FHIT: variants seen among roughly 807,000 people sequenced by gnomAD.
FHIT encodes the protein bis(5'-adenosyl)-triphosphatase.
Under a neutral mutation model 17.9 loss-of-function variants are expected in FHIT, and 19 were observed. That is an observed-to-expected ratio of 1.06 (90% CI 0.74 to 1.56). The LOEUF (loss-of-function observed/expected upper bound fraction) is 1.56, where lower values mean the gene tolerates loss of function less well. FHIT is among the 40% of genes most tolerant of loss of function. FHIT has a pLI of 0.00. For missense variants in FHIT, 248 were observed against 189.2 expected (o/e 1.31, Z -1.82); for synonymous variants, 81 against 69.7 (o/e 1.16, Z -0.81).
chr3:60,530,368 G>A (rs772160817), intron 5 of FHIT, among the ~76,000 whole-genome samples: 20 of 152,162 alleles, frequency 1.3e-4, no homozygotes, highest in Non-Finnish European at 2.4e-4. Context: ...GAAGGGGCCA[G>A]GGCAAAGTGC....
chr3:60,736,775 A>G (rs938630428), intron 4 of FHIT, among the ~76,000 whole-genome samples: 1 of 152,240 alleles, frequency 6.6e-6, no homozygotes, highest in Non-Finnish European at 1.5e-5. Context: ...TTATAAACGG[A>G]TAAACATTGT....
intron 8 of FHIT, among the ~76,000 whole-genome samples, chr3:59,763,863 G>C (rs920088556): frequency 3.9e-5 from 6 of 152,056 alleles, no homozygotes; most frequent in African/African-American, 1.5e-4. Context: ...ATGAGGTGGA[G>C]AAGTGGGAAA....
At chr3:60,379,932 T>C (rs1430707169) in intron 5 of FHIT, among the ~76,000 whole-genome samples, 1 of 152,236 alleles carries the variant, frequency 6.6e-6, no homozygotes, top group Non-Finnish European at 1.5e-5. Context: ...TTTACAATTT[T>C]GTTTAACATA....
At chr3:60,788,694 C>G (rs1169946961) in intron 4 of FHIT, among the ~76,000 whole-genome samples, 1 of 152,052 alleles carries the variant, frequency 6.6e-6, no homozygotes, top group Non-Finnish European at 1.5e-5. Context: ...AGTGAATATT[C>G]CTACTCCATA....
At chr3:60,068,747 A>T (rs1702629824) in intron 5 of FHIT, among the ~76,000 whole-genome samples, 1 of 152,204 alleles carries the variant, frequency 6.6e-6, no homozygotes, top group South Asian at 2.1e-4. Context: ...ATGAAACATA[A>T]TTTTTTCCTC....
chr3:60,334,274 G>A (rs543911087), intron 5 of FHIT, among the ~76,000 whole-genome samples: 6 of 152,266 alleles, frequency 3.9e-5, no homozygotes, highest in Admixed American at 2.6e-4. Flanking sequence ...GCATCCATCT[G>A]CCTGACCAAC....
chr3:60,572,066 G>A (rs925722011), intron 4 of FHIT, among the ~76,000 whole-genome samples: 2 of 150,664 alleles, frequency 1.3e-5, no homozygotes, highest in African/African-American at 2.5e-5. Flanking sequence ...ATTACTTGAA[G>A]AAACTTAGAG....
At chr3:60,619,392 CAA>C (rs537467355) in intron 4 of FHIT, among the ~76,000 whole-genome samples, 120 of 151,966 alleles carry the variant, frequency 7.9e-4, no homozygotes, top group Non-Finnish European at 1.3e-3. Flanking sequence ...CATGGAAAAG[CAA>C]AAGATTCAGA....
chr3:60,419,027 T>TC (rs1396357420), intron 5 of FHIT, among the ~76,000 whole-genome samples: 1 of 152,170 alleles, frequency 6.6e-6, no homozygotes, highest in Non-Finnish European at 1.5e-5. Context: ...ACCTTCATCA[T>TC]CTTCACAACT....
At chr3:59,921,107 C>G (rs1282087244) in intron 8 of FHIT, among the ~76,000 whole-genome samples, 3 of 152,172 alleles carry the variant, frequency 2.0e-5, no homozygotes, top group Non-Finnish European at 4.4e-5. Context: ...CAGTACAGCT[C>G]TTGGAAAACA....
At chr3:59,878,671 C>T (rs1231038490) in intron 8 of FHIT, among the ~76,000 whole-genome samples, 1 of 152,180 alleles carries the variant, frequency 6.6e-6, no homozygotes, top group Non-Finnish European at 1.5e-5. Flanking sequence ...GCAAGAAAAA[C>T]AATATAAAGA....
chr3:61,116,360 T>C (rs1408569624), intron 2 of FHIT, among the ~76,000 whole-genome samples: 4 of 152,156 alleles, frequency 2.6e-5, no homozygotes, highest in Non-Finnish European at 5.9e-5. Context: ...GCCACAAATG[T>C]GCCTCCATTA....
chr3:60,265,602 G>C (rs1486392283), intron 5 of FHIT, among the ~76,000 whole-genome samples: 1 of 151,934 alleles, frequency 6.6e-6, no homozygotes, highest in African/African-American at 2.4e-5. Context: ...GTAAAAGTTT[G>C]TATTTTGAAG....
At chr3:60,618,674 C>G (rs939929701) in intron 4 of FHIT, among the ~76,000 whole-genome samples, 1 of 152,092 alleles carries the variant, frequency 6.6e-6, no homozygotes, top group African/African-American at 2.4e-5. Flanking sequence ...ATATGTTATG[C>G]AAAAAGATTT....
At chr3:60,839,399 C>G (rs78664664) in intron 3 of FHIT, among the ~76,000 whole-genome samples, 2,182 of 152,236 alleles carry the variant, frequency 0.014, 54 homozygotes, top group African/African-American at 0.05. Context: ...ACTTCAGTGT[C>G]TCTGTGACCA....
chr3:59,768,206 A>T (rs1575462459), intron 8 of FHIT, among the ~76,000 whole-genome samples: 1 of 152,184 alleles, frequency 6.6e-6, no homozygotes, highest in Non-Finnish European at 1.5e-5. Flanking sequence ...AAAAGCAGAA[A>T]TTCTAGGTAA....
At chr3:59,930,339 G>A (rs1031066920) in intron 7 of FHIT, among the ~76,000 whole-genome samples, 19 of 152,164 alleles carry the variant, frequency 1.2e-4, no homozygotes, top group African/African-American at 3.6e-4. Flanking sequence ...TTGTAGCAAT[G>A]CTTTGCACAG....
intron 5 of FHIT, among the ~76,000 whole-genome samples, chr3:60,110,151 C>G (rs566216430): frequency 1.3e-5 from 2 of 152,186 alleles, no homozygotes; most frequent in East Asian, 3.9e-4. Context: ...TATGAGGACA[C>G]GGGGGGTTGG....
intron 4 of FHIT, among the ~76,000 whole-genome samples, chr3:60,719,927 A>G (rs561131435): frequency 7.3e-4 from 111 of 152,282 alleles, no homozygotes; most frequent in South Asian, 3.1e-3. Flanking sequence ...ACTCATTACA[A>G]TGCATCTCCT....
Sources: allele counts gnomAD v4.1 joint callset (sites outside exome capture counted in the v4.1 genomes callset), GRCh38; gene constraint gnomAD v4.1.1; transcripts MANE v1.5; gene names NCBI Gene and HGNC (gene_info 2026-07-23, HGNC 2026-07-21).